Variants in DRC7 observed in about 807,000 individuals in gnomAD.
The protein encoded by DRC7 is coiled-coil domain containing 135.
DRC7 carries 80 observed loss-of-function variants against 104.4 expected under a neutral mutation model. The ratio of observed to expected loss-of-function variants is 0.77; its 90% CI spans 0.64 to 0.92. The LOEUF is 0.92. DRC7 is among the 40% of genes least tolerant of loss of function. The probability of loss-of-function intolerance (pLI) is 0.00; values close to 1 mark genes in which losing one functional copy is unlikely to be tolerated. For missense variants in DRC7, 1,034 were observed against 1,141.1 expected (o/e 0.91, Z 1.35); for synonymous variants, 405 against 447.3 (o/e 0.91, Z 1.19).
chr16:57,724,215 C>A (rs2048937478), intron 12 of DRC7, among the ~76,000 whole-genome samples: 1 of 148,478 alleles, frequency 6.7e-6, no homozygotes, highest in South Asian at 2.1e-4. Context: ...GAGGCTGAGA[C>A]AGGAGAGTCA....
chr16:57,724,149 A>G (rs1210113808), intron 12 of DRC7, among the ~76,000 whole-genome samples: 1 of 151,982 alleles, frequency 6.6e-6, no homozygotes, highest in East Asian at 1.9e-4. Flanking sequence ...GTTTCTACTA[A>G]AAATACAAAA....
chr16:57,729,062 GTGAGTGAGTGGATGGA>G (rs1358945121), intron 17 of DRC7, among the ~76,000 whole-genome samples: 1 of 148,002 alleles, frequency 6.8e-6, no homozygotes, highest in East Asian at 2.0e-4. Flanking sequence ...GGGTGGGTGA[GTGAGTGAGTGGATGGA>G]TGAGTGGGTA....
At chr16:57,729,950 GT>G (rs2049037071) in intron 17 of DRC7, among the ~76,000 whole-genome samples, 2 of 109,154 alleles carry the variant, frequency 1.8e-5, no homozygotes, top group Non-Finnish European at 3.8e-5. Context: ...GGGTGGGTGG[GT>G]GGATGGATGG....
intron 10 of DRC7, 88 bp downstream of exon 10, chr16:57,721,827 C>T (rs1235669878): frequency 5.3e-6 from 5 of 944,940 alleles, no homozygotes; most frequent in East Asian, 2.6e-5. Context: ...CAGGGGGACA[C>T]AGCAGGGAAT....
chr16:57,731,197 C>T lies in DRC7; in HGVS notation c.2564C>T (p.Ala855Val). The T allele has an allele frequency of 6.2e-7, 1 of 1,613,866 alleles. No homozygotes were observed. The highest frequency in any genetic ancestry group is 1.1e-5 in the South Asian group (1 of 91,080). Residue 855 changes from alanine to valine, a missense_variant, in exon 19 of 19, where the codon GCT becomes GTT. Transcript: ENST00000360716. ...GAACTGGCCCCACTGAAGTACCTGG[C>T]TCTGGAGGAAAAGCTCTACAAGGAC... ...HKELAPLKYL[A>V]LEEKLYKDPR...
intron 12 of DRC7, among the ~76,000 whole-genome samples, chr16:57,724,230 A>G (rs2048937624): frequency 1.3e-5 from 2 of 150,490 alleles, no homozygotes. Flanking sequence ...GAGTCACTTG[A>G]ACCCAGGTGG....
intron 12 of DRC7, among the ~76,000 whole-genome samples, chr16:57,723,540 C>A (rs982453162): frequency 6.6e-6 from 1 of 152,038 alleles, no homozygotes; most frequent in Non-Finnish European, 1.5e-5. Flanking sequence ...CCAGCCTGGG[C>A]TATATGGTGA....
rs1225657903 is a variant in DRC7, at chr16:57,731,681, T to A, written c.*423T>A. On this transcript the variant is annotated 3_prime_UTR_variant, in exon 19 of 19. Coordinates refer to ENST00000360716, the MANE Select transcript of DRC7 (RefSeq NM_001289162.2). ...GGGTGGCCCACCTCACCAAGTGGGA[T>A]GGGGAAGGCTAAGATGCATGCCCCA... 5.4e-6 allele frequency: 1 copy of A among 185,024 alleles called. No individual in the cohort carries two copies. Among genetic ancestry groups the A allele is most frequent in the Middle Eastern group, 2.4e-3 (1 of 424 alleles). The allele number at this position is 185,024 out of a possible 1,614,324, so 11.5% of individuals were successfully genotyped here. A position where few individuals can be genotyped will look rare whatever the true frequency, so the allele number is the denominator to read the frequency against.
chr16:57,698,982 C>T lies in DRC7; in HGVS notation c.336C>T (p.Arg112=), dbSNP rs138069429. Residue 112 remains arginine (R), a synonymous_variant, in exon 4 of 19, where the codon CGC becomes CGT. Coordinates refer to ENST00000360716, the MANE Select transcript of DRC7 (RefSeq NM_001289162.2). The part of the protein sequence containing the change: ...SRQYSHLCPD[R]VPLFLHPLNE... ...AGTACAGCCATCTGTGCCCGGACCG[C>T]GTGCCCCTCTTCCTGCACCCCCTGA... is the stretch of plus-strand genomic sequence containing the variant. 349 of 1,614,212 alleles carry T rather than the reference C, an allele frequency of 2.2e-4. 1 individual carries two copies. The African/African-American group carries it at 4.0e-3, about 18-fold the overall frequency.
intron 3 of DRC7, 122 bp downstream of exon 3, chr16:57,698,274 A>C (rs941619733): frequency 1.6e-5 from 23 of 1,440,062 alleles, no homozygotes; most frequent in Non-Finnish European, 2.1e-5. Flanking sequence ...AGCAGTTATG[A>C]GTGAAGGCTT....
intron 7 of DRC7, among the ~76,000 whole-genome samples, chr16:57,706,408 A>G (rs1352348911): frequency 1.6e-5 from 2 of 121,446 alleles, no homozygotes; most frequent in Non-Finnish European, 3.4e-5. Context: ...TCTCCCATCC[A>G]TCCATTGTCC....
chr16:57,730,846 C>G, intron 17 of DRC7, 85 bp from the exon 18 acceptor site: 1 of 1,456,712 alleles, frequency 6.9e-7, no homozygotes. Context: ...ATGGTGCTGT[C>G]TAGTGACCCA....
chr16:57,702,580 C>G (rs113100920), intron 6 of DRC7, among the ~76,000 whole-genome samples: 1 of 152,194 alleles, frequency 6.6e-6, no homozygotes, highest in African/African-American at 2.4e-5. Flanking sequence ...GAGCAAATCA[C>G]TTGAGGTCAG....
chr16:57,721,515 A>G (rs2048902071), intron 9 of DRC7, 152 bp from the exon 10 acceptor site: 5 of 629,352 alleles, frequency 7.9e-6, no homozygotes, highest in Non-Finnish European at 1.4e-5. Context: ...CCTTTTCCAC[A>G]TCATGGGTCG....
In DRC7 at chr16:57,722,804, C is replaced by T. The variant is rs2048918142; in HGVS notation, c.1371C>T (p.Gly457=). 13 of 1,613,854 alleles carry T rather than the reference C, an allele frequency of 8.1e-6. No individual in the cohort carries two copies. In the East Asian group the frequency reaches 8.9e-5, roughly 11 times the overall value. ...GGGCCCCGTACCTCAATAGCAATGG[C>T]CTTGTGAGCCGCCTCACCACCTATG... ...EKWAPYLNSN[G]LVSRLTTYED... The change falls in exon 11 of 19, where the codon GGC becomes GGT. Residue 457 remains glycine, a synonymous_variant. Coordinates refer to ENST00000360716, the MANE Select transcript of DRC7 (RefSeq NM_001289162.2).
Position 57,718,458 on chromosome 16 carries a change from G to A in DRC7, c.1189G>A (p.Asp397Asn). Reference protein sequence around the residue: ...EEDDSGINDEDDVENLGKEDE... With the variant: ...EEDDSGINDENDVENLGKEDE... ...AGACGACAGTGGGATAAACGATGAG[G>A]ATGATGTGGAAAATCTGGTGAGTCT... Residue 397 changes from aspartate (D) to asparagine (N), a missense_variant, in exon 9 of 19, where the codon GAT becomes AAT. Physicochemically the swap from Asp to Asn is conservative, Grantham distance 23. Coordinates refer to ENST00000360716, the MANE Select transcript of DRC7 (RefSeq NM_001289162.2). The A allele has an allele frequency of 6.2e-7, 1 of 1,614,046 alleles. No homozygotes were observed. Among genetic ancestry groups the A allele is most frequent in the Non-Finnish European group, 8.5e-7 (1 of 1,179,928 alleles).
intron 6 of DRC7, among the ~76,000 whole-genome samples, chr16:57,703,188 C>G (rs1490437000): frequency 6.9e-6 from 1 of 145,142 alleles, no homozygotes; most frequent in Non-Finnish European, 1.5e-5. Flanking sequence ...CCTCAAGGCC[C>G]CTTTTTAATA....
intron 8 of DRC7, among the ~76,000 whole-genome samples, chr16:57,717,998 A>C (rs1239415606): frequency 6.6e-6 from 1 of 152,136 alleles, no homozygotes; most frequent in African/African-American, 2.4e-5. Flanking sequence ...GTTTGTTTTC[A>C]TTGGCTCTAA....
intron 10 of DRC7, among the ~76,000 whole-genome samples, chr16:57,722,511 T>C (rs1223511168): frequency 1.3e-5 from 2 of 152,136 alleles, no homozygotes; most frequent in Admixed American, 1.3e-4. Context: ...TGGGTGGATC[T>C]GTGCTTCTGC....
Sources: allele counts gnomAD v4.1 joint callset (sites outside exome capture counted in the v4.1 genomes callset), GRCh38; gene constraint gnomAD v4.1.1; transcripts MANE v1.5; gene names NCBI Gene and HGNC (gene_info 2026-07-23, HGNC 2026-07-21).